The following SMARCA4 variants were observed in gnomAD, a reference collection of about 807,000 sequenced individuals.
The protein encoded by SMARCA4 is SWI/SNF related BAF chromatin remodeling complex subunit ATPase 4.
Under a neutral mutation model 193.9 loss-of-function variants are expected in SMARCA4, and 31 were observed. That is an observed-to-expected ratio of 0.16 (90% CI 0.12 to 0.22). The LOEUF (loss-of-function observed/expected upper bound fraction) is 0.22. Ranked by LOEUF, SMARCA4 falls within the 10% of genes least tolerant of loss-of-function variation. The pLI, the probability that SMARCA4 is intolerant of heterozygous loss-of-function variation, is 1.00. For missense variants in SMARCA4, 1,148 were observed against 2,296.0 expected, an observed-to-expected ratio of 0.50 and a Z score of 10.22; for synonymous variants, 942 against 933.1, an observed-to-expected ratio of 1.01 and a Z score of -0.17.
At chr19:10,973,222 T>C (rs1439787747) in intron 1 of SMARCA4, among the ~76,000 whole-genome samples, 1 of 152,150 alleles carries the variant, frequency 6.6e-6, no homozygotes, top group African/African-American at 2.4e-5. Context: ...CTGGGTCACA[T>C]TGTCACATGG....
intron 8 of SMARCA4, among the ~76,000 whole-genome samples, chr19:10,993,870 C>G (rs1719458118): frequency 6.6e-6 from 1 of 151,878 alleles, no homozygotes; most frequent in Non-Finnish European, 1.5e-5. Context: ...TGGTATCGAT[C>G]TGACCTTGTG....
Position 11,033,542 on chromosome 19 carries a change from C to T in SMARCA4, c.3774+25C>T, listed in dbSNP as rs767252743. ...GGTGAGCCCAGCACCGGCCCCGACC[C>T]CTCCCCAGCGTGAATGGTGGACGCG... On this transcript the variant is annotated intron_variant, in intron 26 of 34. Transcript: ENST00000344626. This position sits in a 1 kb window ranked among gnomAD's most constrained non-coding sequence, Gnocchi z 9.8. The T allele has an allele frequency of 7.6e-6, 12 of 1,574,752 alleles. No individual in the cohort carries two copies. The highest frequency in any genetic ancestry group is 1.0e-5 in the Non-Finnish European group (12 of 1,145,224).
At position 11,034,055 on chromosome 19, in the gene SMARCA4, G is replaced by A. The variant is rs530956177; in HGVS notation, c.3874-68G>A. On this transcript the variant is annotated intron_variant, in intron 27 of 34. Transcript: ENST00000344626. The surrounding 1 kb of genome is among the most constrained non-coding windows in gnomAD (Gnocchi z 7.0). ...CTCATTCCCACGGACGCCGCCGCTCGCCTCTGAGCTCGGCCGCCGCCCACC... is the reference window on the plus strand; with the variant it reads ...CTCATTCCCACGGACGCCGCCGCTCACCTCTGAGCTCGGCCGCCGCCCACC... 22 of 1,239,746 alleles carry A rather than the reference G, an allele frequency of 1.8e-5. No individual in the cohort carries two copies. Among genetic ancestry groups the A allele is most frequent in the East Asian group, 4.6e-5 (2 of 43,186 alleles). 76.8% of individuals were successfully genotyped at this position (1,239,746 alleles called of 1,614,324 possible).
intron 1 of SMARCA4, among the ~76,000 whole-genome samples, chr19:10,967,349 C>T (rs1033250520): frequency 1.3e-5 from 2 of 151,894 alleles, no homozygotes; most frequent in Admixed American, 1.3e-4. Flanking sequence ...CTCTCTCTGT[C>T]GCCCAGGCTG....
At chr19:10,998,215 G>A (rs970579509) in intron 11 of SMARCA4, among the ~76,000 whole-genome samples, 11 of 152,160 alleles carry the variant, frequency 7.2e-5, no homozygotes, top group Admixed American at 7.2e-4. Flanking sequence ...CAGTGGCCCC[G>A]GACTTTGGTT....
chr19:11,010,362 A>G lies in SMARCA4; in HGVS notation c.2124-19A>G, dbSNP rs753318996. ...ATAGGAATGTGTGTCCTTACCCGGC[A>G]CCTCCATCTCACTCCCAGGAATGCC... On this transcript the variant is annotated intron_variant, in intron 14 of 34. Coordinates refer to ENST00000344626, the MANE Select transcript of SMARCA4 (RefSeq NM_003072.5). 1 of 1,613,526 alleles carries G rather than the reference A, an allele frequency of 6.2e-7. No individual in the cohort carries two copies. Among genetic ancestry groups the G allele is most frequent in the Admixed American group, 1.7e-5 (1 of 59,994 alleles).
chr19:10,970,500 G>T (rs1230630383), intron 1 of SMARCA4, among the ~76,000 whole-genome samples: 1 of 152,216 alleles, frequency 6.6e-6, no homozygotes, highest in Admixed American at 6.5e-5. Context: ...GCTCACTGCA[G>T]TGTCCAGCTC....
At chr19:10,967,589 C>T (rs558388918) in intron 1 of SMARCA4, among the ~76,000 whole-genome samples, 3 of 151,242 alleles carry the variant, frequency 2.0e-5, no homozygotes, top group Admixed American at 6.6e-5. Context: ...GGATTACAGG[C>T]GTGAGCCACT....
chr19:10,997,456 G>C (rs1008590981), intron 11 of SMARCA4, among the ~76,000 whole-genome samples: 5 of 152,208 alleles, frequency 3.3e-5, no homozygotes, highest in African/African-American at 1.2e-4. Context: ...CTCCCAAAAT[G>C]CTGGGATTAC....
chr19:10,969,056 C>T (rs1001246498), intron 1 of SMARCA4, among the ~76,000 whole-genome samples: 2 of 152,144 alleles, frequency 1.3e-5, no homozygotes, highest in Non-Finnish European at 2.9e-5. Flanking sequence ...TACTCAGGCC[C>T]TGGAGTCAAA....
At chr19:11,023,998 A>C (rs1184750563) in intron 20 of SMARCA4, among the ~76,000 whole-genome samples, 1 of 152,102 alleles carries the variant, frequency 6.6e-6, no homozygotes, top group Non-Finnish European at 1.5e-5. Context: ...CCCTGGGCCC[A>C]GTTCCCACAG....
rs11669202 is a variant in SMARCA4, at chr19:10,996,114, T to C, written c.1594-99T>C. On this transcript the variant is annotated intron_variant, in intron 9 of 34. Coordinates refer to ENST00000344626, the MANE Select transcript of SMARCA4 (RefSeq NM_003072.5). ...CTGGTGGCACGGCACCCGCGTGAGCTACGCGTGCCCTCAGTGCGCTTCTGG... is the reference window on the plus strand; with the variant it reads ...CTGGTGGCACGGCACCCGCGTGAGCCACGCGTGCCCTCAGTGCGCTTCTGG... 0.36 allele frequency: 432,499 copies of C among 1,199,340 alleles called. 80,278 individuals carry two copies. Among genetic ancestry groups the C allele is most frequent in the South Asian group, 0.48 (39,425 of 82,280 alleles). 74.3% of individuals were successfully genotyped at this position (1,199,340 alleles called of 1,614,324 possible).
intron 1 of SMARCA4, among the ~76,000 whole-genome samples, chr19:10,973,861 C>T (rs1220992897): frequency 5.9e-5 from 9 of 152,124 alleles, no homozygotes; most frequent in East Asian, 1.9e-4. Flanking sequence ...TGAGCCACCG[C>T]GCCCGGCCTG....
At chr19:11,014,694 A>C (rs1013225853) in intron 16 of SMARCA4, among the ~76,000 whole-genome samples, 2 of 152,098 alleles carry the variant, frequency 1.3e-5, no homozygotes, top group African/African-American at 4.8e-5. Flanking sequence ...TCAGATCACC[A>C]TCTCTGCTGG....
Position 11,026,405 on chromosome 19 carries a change from G to A in SMARCA4, c.3215+59G>A, listed in dbSNP as rs367598615. 3.5e-4 allele frequency: 479 copies of A among 1,357,998 alleles called. 2 individuals are homozygous for A. The highest frequency in any genetic ancestry group is 1.2e-4 in the Non-Finnish European group (113 of 947,626). 84.1% of individuals were successfully genotyped at this position (1,357,998 alleles called of 1,614,324 possible). On this transcript the variant is annotated intron_variant, in intron 23 of 34. Coordinates refer to ENST00000344626, the MANE Select transcript of SMARCA4 (RefSeq NM_003072.5). The stretch of plus-strand genomic sequence containing the variant: ...GTGGTCCACCCAGAGGTTTTCTGTC[G>A]TTTTGTTGGCTTTATTGCTGCTGTT...
rs1006792160 is a variant in SMARCA4 at position 11,035,042 on chromosome 19, G to A, written c.4080G>A (p.Glu1360=). 2.8e-5 allele frequency: 44 copies of A among 1,599,198 alleles called. No individual in the cohort carries two copies. Among genetic ancestry groups the A allele is most frequent in the Non-Finnish European group, 3.8e-5 (44 of 1,169,316 alleles). ...DDAEVERLTC[E]EEEEKMFGRG... The stretch of plus-strand genomic sequence containing the variant: ...CGGAGGTGGAGCGGCTGACCTGTGA[G>A]GAGGAGGAGGAGAAGATGTTCGGCC... Residue 1360 remains glutamate, a synonymous_variant, in exon 29 of 35, where the codon GAG becomes GAA. Transcript: ENST00000344626.
intron 34 of SMARCA4, 124 bp downstream of exon 34, chr19:11,060,311 T>C: frequency 1.6e-6 from 2 of 1,247,042 alleles, no homozygotes; most frequent in Non-Finnish European, 2.3e-6. Flanking sequence ...AAGCTGAGGC[T>C]TGACCTGCCA....
rs75931435 is a variant in SMARCA4, at chr19:11,037,675, G to A, written c.4170+2543G>A. Among the ~76,000 whole-genome samples the A allele has an allele frequency of 3.0e-4, 46 of 152,226 alleles. No individual in the cohort carries two copies. The East Asian group carries it at 4.8e-3, about 16-fold the overall frequency. ...ATTTTTCTTTTTCACCTGTGCCTTG[G>A]TGTTGTATCTGAGAAACCATCGCCT... is the stretch of plus-strand genomic sequence containing the variant. On this transcript the variant is annotated intron_variant, in intron 29 of 34. Coordinates refer to ENST00000344626, the MANE Select transcript of SMARCA4 (RefSeq NM_003072.5).
rs1480739342 is a variant in SMARCA4 at position 10,994,964 on chromosome 19, A to G, written c.1556A>G (p.Asn519Ser). Residue 519 changes from asparagine to serine, a missense_variant, in exon 9 of 35, where the codon AAC becomes AGC. This residue lies in a region of SMARCA4 where 10 missense variants were observed against 89.9 expected (regional missense o/e 0.11). Coordinates refer to ENST00000344626, the MANE Select transcript of SMARCA4 (RefSeq NM_003072.5). Reference sequence around the variant, plus strand: ...ACGGAGCGGGAGCAGAAGAAAGAGAACGAGCGGATCGAGAAGGAGCGCATG... The same window carrying G: ...ACGGAGCGGGAGCAGAAGAAAGAGAGCGAGCGGATCGAGAAGGAGCGCATG... ...ANTEREQKKENERIEKERMRR... is the reference protein window; with the variant it reads ...ANTEREQKKESERIEKERMRR... 1 of 1,614,022 alleles carries G rather than the reference A, an allele frequency of 6.2e-7. No individual in the cohort carries two copies. Among genetic ancestry groups the G allele is most frequent in the East Asian group, 2.2e-5 (1 of 44,882 alleles).
Sources: allele counts gnomAD v4.1 joint callset (sites outside exome capture counted in the v4.1 genomes callset), GRCh38; gene constraint gnomAD v4.1.1; regional missense constraint gnomAD v4.1.1; non-coding constraint Gnocchi (gnomAD v3.1); transcripts MANE v1.5; gene names NCBI Gene and HGNC (gene_info 2026-07-23, HGNC 2026-07-21).